FAT1: variants seen among roughly 807,000 people sequenced by gnomAD.
FAT1 encodes the protein FAT atypical cadherin 1.
FAT1 carries 171 observed loss-of-function variants against 329.8 expected under a neutral mutation model. The observed-to-expected ratio is 0.52, with a 90% CI of 0.46 to 0.59. FAT1 has a LOEUF of 0.59. Ranked by LOEUF, FAT1 falls within the 20% of genes least tolerant of loss-of-function variation. The probability of loss-of-function intolerance (pLI) is 0.00; values close to 1 mark genes in which losing one functional copy is unlikely to be tolerated. For missense variants in FAT1, 5,672 were observed against 5,774.4 expected (o/e 0.98, Z 0.57); for synonymous variants, 2,233 against 2,228.6 (o/e 1.00, Z -0.06).
chr4:186,706,016 C>T (rs1039379764), intron 2 of FAT1, among the ~76,000 whole-genome samples: 1 of 152,180 alleles, frequency 6.6e-6, no homozygotes, highest in Non-Finnish European at 1.5e-5. Context: ...CTCAGTTCAG[C>T]ATGCCACTAC....
chr4:186,649,349 C>G (rs979897597), intron 3 of FAT1, among the ~76,000 whole-genome samples: 1 of 152,160 alleles, frequency 6.6e-6, no homozygotes, highest in African/African-American at 2.4e-5. Context: ...TTTCCGTCTT[C>G]TTGGAAATAC....
chr4:186,662,974 C>CT (rs1742252916), intron 3 of FAT1, among the ~76,000 whole-genome samples: 1 of 152,010 alleles, frequency 6.6e-6, no homozygotes, highest in Non-Finnish European at 1.5e-5. Context: ...GTAGCTGGGA[C>CT]TACAGGCGCC....
intron 2 of FAT1, among the ~76,000 whole-genome samples, chr4:186,697,897 G>C (rs1422410718): frequency 6.6e-6 from 1 of 152,162 alleles, no homozygotes; most frequent in African/African-American, 2.4e-5. Flanking sequence ...CATGAACACA[G>C]GTTCGGCACT....
chr4:186,643,939 C>G (rs1741231534), intron 3 of FAT1, among the ~76,000 whole-genome samples: 2 of 152,142 alleles, frequency 1.3e-5, no homozygotes, highest in Admixed American at 1.3e-4. Context: ...CATCTGTGCT[C>G]ATCTGCAATA....
At chr4:186,695,594 G>A (rs191887112) in intron 2 of FAT1, among the ~76,000 whole-genome samples, 152 of 152,052 alleles carry the variant, frequency 1.0e-3, no homozygotes, top group Admixed American at 1.8e-3. Context: ...TAAATTTTAC[G>A]CATTCAACCA....
chr4:186,713,558 T>C (rs756574765), intron 1 of FAT1, among the ~76,000 whole-genome samples: 1 of 152,232 alleles, frequency 6.6e-6, no homozygotes, highest in African/African-American at 2.4e-5. Context: ...AGGAAGTCAC[T>C]GCATGTAGCC....
At position 186,621,761 on chromosome 4, in the gene FAT1, A is replaced by G; in HGVS notation, c.4825T>C (p.Ser1609Pro). The change falls in exon 10 of 27, where the codon TCT becomes CCT. Residue 1609 changes from serine to proline, a missense_variant. Around this residue, in one of 2 missense-constraint regions of FAT1, gnomAD observed 3,966 missense variants for 3,915.2 expected, o/e 1.01. Coordinates refer to ENST00000441802, the MANE Select transcript of FAT1 (RefSeq NM_005245.4). Reference sequence around the variant, plus strand: ...CCCAAGACAGGATCAATCATAAAAGAATTTCCAATATTTCCTGGAAGGAGA... The same window carrying G: ...CCCAAGACAGGATCAATCATAAAAGGATTTCCAATATTTCCTGGAAGGAGA... ...YSIESGNIGN[S>P]FMIDPVLGSI... The G allele has an allele frequency of 1.9e-6, 3 of 1,565,784 alleles. No individual in the cohort carries two copies. The highest frequency in any genetic ancestry group is 2.6e-6 in the Non-Finnish European group (3 of 1,158,030).
intron 2 of FAT1, among the ~76,000 whole-genome samples, chr4:186,682,756 G>A (rs1041461772): frequency 2.0e-5 from 3 of 152,154 alleles, no homozygotes; most frequent in Non-Finnish European, 4.4e-5. Context: ...GAGGCAGCCC[G>A]GCAGATCAGA....
At position 186,587,918 on chromosome 4, in the gene FAT1, G is replaced by A. The variant is rs771530385; in HGVS notation, c.*674C>T. On this transcript the variant is annotated 3_prime_UTR_variant, in exon 27 of 27. Transcript: ENST00000441802. The stretch of plus-strand genomic sequence containing the variant: ...ATAAAAACTGTGTCATGGTGGTTTT[G>A]GTTCTAAACAGGTATGCAGAAGGTC... 1 of 218,254 alleles carries A rather than the reference G, an allele frequency of 4.6e-6. No individual in the cohort carries two copies. The highest frequency in any genetic ancestry group is 6.8e-5 in the East Asian group (1 of 14,708). The allele number at this position is 218,254 out of a possible 1,614,324, so 13.5% of individuals were successfully genotyped here. A position where few individuals can be genotyped will look rare whatever the true frequency, so the allele number is the denominator to read the frequency against.
Position 186,621,559 on chromosome 4 carries a change from A to G in FAT1, c.5027T>C (p.Leu1676Pro). The stretch of plus-strand genomic sequence containing the variant: ...ACTCCCAATGCTGACAGTTTCACTA[A>G]GTTCAACAGAATATTCTTTTGATGT... ...KFTSKEYSVE[L>P]SETVSIGSFV... The change falls in exon 10 of 27, where the codon CTT becomes CCT. Residue 1676 changes from leucine to proline, a missense_variant. Transcript: ENST00000441802. 6.2e-7 allele frequency: 1 copy of G among 1,614,002 alleles called. No homozygotes were observed. The highest frequency in any genetic ancestry group is 1.6e-4 in the Middle Eastern group (1 of 6,062).
At position 186,620,576 on chromosome 4, in the gene FAT1, T is replaced by C. The variant is rs1228327476; in HGVS notation, c.6010A>G (p.Ile2004Val). ...EAETLAVITAIGNPINEPLFY... is the reference protein window; with the variant it reads ...EAETLAVITAVGNPINEPLFY... ...AAAGGCTCATTGATTGGATTCCCAA[T>C]AGCAGTAATGACAGCTAATGTTTCG... Residue 2004 changes from isoleucine (I) to valine (V), a missense_variant, in exon 10 of 27, where the codon ATT becomes GTT. This residue lies in a region of FAT1 where 3,966 missense variants were observed against 3,915.2 expected (regional missense o/e 1.01). Coordinates refer to ENST00000441802, the MANE Select transcript of FAT1 (RefSeq NM_005245.4). The C allele has an allele frequency of 1.9e-6, 3 of 1,613,914 alleles. No homozygotes were observed. Among genetic ancestry groups the C allele is most frequent in the Non-Finnish European group, 2.5e-6 (3 of 1,179,896 alleles).
chr4:186,623,667 C>G (rs909163933), intron 9 of FAT1, among the ~76,000 whole-genome samples: 20 of 152,294 alleles, frequency 1.3e-4, no homozygotes, highest in Non-Finnish European at 2.1e-4. Context: ...AAACTTGCTC[C>G]CTGCCCTCCA....
chr4:186,674,896 T>C (rs867121745), intron 2 of FAT1, among the ~76,000 whole-genome samples: 73 of 152,070 alleles, frequency 4.8e-4, no homozygotes, highest in African/African-American at 1.5e-3. Context: ...TAGCCAAGCA[T>C]GGTGGCAGGC....
At chr4:186,616,833 C>T (rs532779616) in intron 11 of FAT1, among the ~76,000 whole-genome samples, 172 bp downstream of exon 11, 3 of 152,158 alleles carry the variant, frequency 2.0e-5, no homozygotes, top group Non-Finnish European at 4.4e-5. Flanking sequence ...TGAGCATTCC[C>T]GCAAATAGTT....
chr4:186,588,957 T>C lies in FAT1; in HGVS notation c.13402A>G (p.Met4468Val), dbSNP rs371640114. ...GAACCCAAGCTACCCGCGGCAGGCA[T>C]GTCTCTAGGAGGGTGGATGGATTCA... ...QFESIHPPRD[M>V]PAAGSLGSSS... Residue 4468 changes from methionine (M) to valine (V), a missense_variant, in exon 27 of 27, where the codon ATG becomes GTG. Coordinates refer to ENST00000441802, the MANE Select transcript of FAT1 (RefSeq NM_005245.4). 6.2e-7 allele frequency: 1 copy of C among 1,614,002 alleles called. No individual in the cohort carries two copies. The highest frequency in any genetic ancestry group is 8.5e-7 in the Non-Finnish European group (1 of 1,179,904).
At position 186,618,621 on chromosome 4, in the gene FAT1, G is replaced by C. The variant is rs2126497265; in HGVS notation, c.7965C>G (p.Ile2655Met). Residue 2655 changes from isoleucine (I) to methionine (M), a missense_variant, in exon 10 of 27, where the codon ATC (isoleucine) becomes ATG (methionine). Transcript: ENST00000441802. ...AGCCAATGAGGCTCTCCTTTGTAGT[G>C]ATTACGCCGGACAGTTTGTTAATTT... ...NLEINKLSGV[I>M]TTKESLIGLE... The C allele has an allele frequency of 6.2e-7, 1 of 1,614,066 alleles. No homozygotes were observed.
rs2126402737 is a variant in FAT1, at chr4:186,598,070, G to C, written c.12159C>G (p.Val4053=). The change falls in exon 23 of 27, where the codon GTC becomes GTG. Residue 4053 remains valine, a synonymous_variant. Coordinates refer to ENST00000441802, the MANE Select transcript of FAT1 (RefSeq NM_005245.4). The stretch of plus-strand genomic sequence containing the variant: ...GGCATGGCTTGGAGGAACACGGATT[G>C]ACGCTTATCTCACAGTGGGTCCCTA... ...LYIGTHCEIS[V]NPCSSKPCLY... The C allele has an allele frequency of 6.2e-7, 1 of 1,613,896 alleles. No homozygotes were observed. Among genetic ancestry groups the C allele is most frequent in the South Asian group, 1.1e-5 (1 of 91,048 alleles).
chr4:186,663,440 C>T lies in FAT1; in HGVS notation c.3439G>A (p.Glu1147Lys), dbSNP rs1223399959. 4.3e-6 allele frequency: 7 copies of T among 1,613,980 alleles called. No homozygotes were observed. Among genetic ancestry groups the T allele is most frequent in the Admixed American group, 1.7e-5 (1 of 60,028 alleles). The stretch of plus-strand genomic sequence containing the variant: ...TCTTTAGGAGAATTTTCCATGATTT[C>T]TGGGTAATAAACAGGCTCTGATGTC... Reference protein sequence around the residue: ...PQTSEPVYYPEIMENSPKDVS... With the variant: ...PQTSEPVYYPKIMENSPKDVS... Residue 1147 changes from glutamate (E) to lysine (K), a missense_variant, in exon 3 of 27, where the codon GAA becomes AAA. Glu to Lys is a moderately conservative substitution (Grantham distance 56). This residue lies in a region of FAT1 where 3,966 missense variants were observed against 3,915.2 expected (regional missense o/e 1.01). Transcript: ENST00000441802.
rs1485682024 is a variant in FAT1, at chr4:186,603,273, C to T, written c.11253G>A (p.Lys3751=). 1.2e-6 allele frequency: 2 copies of T among 1,613,804 alleles called. No individual in the cohort carries two copies. Among genetic ancestry groups the T allele is most frequent in the Non-Finnish European group, 8.5e-7 (1 of 1,179,864 alleles). Residue 3751 remains lysine, a synonymous_variant, in exon 19 of 27, where the codon AAG becomes AAA. Coordinates refer to ENST00000441802, the MANE Select transcript of FAT1 (RefSeq NM_005245.4). ...ACATCACACTTTCATCCACAGACACCTTTTCATCGCAGAACTTCCAGGGGC... is the reference window on the plus strand; with the variant it reads ...ACATCACACTTTCATCCACAGACACTTTTTCATCGCAGAACTTCCAGGGGC... ...LDCPWKFCDE[K]VSVDESVMST...
Sources: allele counts gnomAD v4.1 joint callset (sites outside exome capture counted in the v4.1 genomes callset), GRCh38; gene constraint gnomAD v4.1.1; regional missense constraint gnomAD v4.1.1; transcripts MANE v1.5; gene names NCBI Gene and HGNC (gene_info 2026-07-23, HGNC 2026-07-21).